Variants in SLMAP observed in about 807,000 individuals in gnomAD.
SLMAP encodes the protein sarcolemma associated protein, also known as sarcolemmal membrane-associated protein.
A neutral mutation model predicts 128.8 loss-of-function variants in SLMAP; 44 were observed. That is an observed-to-expected ratio of 0.34 (90% CI 0.27 to 0.44). SLMAP has a LOEUF of 0.44. Among genes scored for constraint, SLMAP ranks in the 20% least tolerant of loss-of-function variants. The pLI is 1.00. For missense variants in SLMAP, 787 were observed against 985.3 expected (o/e 0.80, Z 2.69); for synonymous variants, 327 against 348.8 (o/e 0.94, Z 0.70).
intron 2 of SLMAP, among the ~76,000 whole-genome samples, chr3:57,816,127 GTGTT>G (rs554703436): frequency 0.026 from 3,943 of 151,460 alleles, 121 homozygotes; most frequent in African/African-American, 0.077. Context: ...TAAACCGTTT[GTGTT>G]TGTTTGTTTG....
At chr3:57,849,716 G>A (rs752007644) in intron 5 of SLMAP, 38 bp from the exon 6 acceptor site, 1 of 1,093,714 alleles carries the variant, frequency 9.1e-7, no homozygotes, top group Non-Finnish European at 1.4e-6. Context: ...TGTTCTTTAT[G>A]AAGTGTTTTC....
intron 2 of SLMAP, among the ~76,000 whole-genome samples, chr3:57,799,103 G>C (rs2087523114): frequency 6.6e-6 from 1 of 152,184 alleles, no homozygotes; most frequent in African/African-American, 2.4e-5. Flanking sequence ...TGTTAAGAGT[G>C]TAAGTTAGAG....
At chr3:57,802,780 C>T (rs2088860628) in intron 2 of SLMAP, among the ~76,000 whole-genome samples, 1 of 151,336 alleles carries the variant, frequency 6.6e-6, no homozygotes, top group Non-Finnish European at 1.5e-5. Context: ...AGATTGCTTC[C>T]AGTTTTGGAT....
At chr3:57,791,815 A>G (rs1371202675) in intron 2 of SLMAP, among the ~76,000 whole-genome samples, 1 of 152,160 alleles carries the variant, frequency 6.6e-6, no homozygotes, top group African/African-American at 2.4e-5. Flanking sequence ...AAACTGATTC[A>G]TTAATTTTAA....
At chr3:57,840,563 A>G (rs1436881222) in intron 3 of SLMAP, among the ~76,000 whole-genome samples, 4 of 152,244 alleles carry the variant, frequency 2.6e-5, no homozygotes, top group Non-Finnish European at 5.9e-5. Flanking sequence ...GAAACTCTGT[A>G]CAAGTGCTAC....
At chr3:57,905,583 G>C (rs1282061266) in intron 17 of SLMAP, among the ~76,000 whole-genome samples, 1 of 152,106 alleles carries the variant, frequency 6.6e-6, no homozygotes, top group Non-Finnish European at 1.5e-5. Context: ...GCCCGGCCCA[G>C]GGGATTAATT....
At chr3:57,813,451 AATTTATAGT>A (rs2091354493) in intron 2 of SLMAP, among the ~76,000 whole-genome samples, 1 of 152,120 alleles carries the variant, frequency 6.6e-6, no homozygotes, top group Non-Finnish European at 1.5e-5. Context: ...AAGTTGTATC[AATTTATAGT>A]CTCATGTCCA....
At chr3:57,843,775 C>CTTTTTTTTTTTTTTTTTTTTTT (rs775541858) in intron 4 of SLMAP, among the ~76,000 whole-genome samples, 20 of 77,124 alleles carry the variant, frequency 2.6e-4, no homozygotes, top group East Asian at 1.4e-3. Flanking sequence ...TCTTTTCTTT[C>CTTTTTTTTTTTTTTTTTTTTTT]TTTTTTTTTT....
At chr3:57,759,705 C>T (rs1417266902) in intron 2 of SLMAP, among the ~76,000 whole-genome samples, 1 of 152,150 alleles carries the variant, frequency 6.6e-6, no homozygotes, top group East Asian at 1.9e-4. Context: ...TGTTCTTGGG[C>T]AACAGGTCTA....
intron 2 of SLMAP, among the ~76,000 whole-genome samples, chr3:57,773,220 C>T (rs1017911939): frequency 2.6e-5 from 4 of 152,138 alleles, no homozygotes; most frequent in Non-Finnish European, 5.9e-5. Flanking sequence ...TGGATTACCA[C>T]CAGATGGTTT....
At chr3:57,831,335 T>C (rs774830887) in intron 2 of SLMAP, 48 bp from the exon 3 acceptor site, 1 of 1,284,650 alleles carries the variant, frequency 7.8e-7, no homozygotes, top group Non-Finnish European at 1.0e-6. Context: ...CATTTGGAAT[T>C]ATTACTATTA....
chr3:57,881,658 G>T (rs1432379525), intron 14 of SLMAP, among the ~76,000 whole-genome samples: 2 of 152,002 alleles, frequency 1.3e-5, no homozygotes. Flanking sequence ...GGGTTTCACA[G>T]TGTTGGCCAG....
At position 57,908,123 on chromosome 3, in the gene SLMAP, G is replaced by A; in HGVS notation, c.1624+117G>A. 7 of 914,010 alleles carry A rather than the reference G, an allele frequency of 7.7e-6. No individual in the cohort carries two copies. The South Asian group carries it at 8.8e-5, about 11-fold the overall frequency. The allele number at this position is 914,010 out of a possible 1,614,324, so 56.6% of individuals were successfully genotyped here. A position where few individuals can be genotyped will look rare whatever the true frequency, so the allele number is the denominator to read the frequency against. On this transcript the variant is annotated intron_variant, in intron 18 of 24. Transcript: ENST00000671191. The stretch of plus-strand genomic sequence containing the variant: ...CCAGATTCACAACTTTATGAGATAT[G>A]TGATCTTGGTATATTTACTTGACCT...
chr3:57,896,479 A>G (rs1039727637), intron 15 of SLMAP, 32 bp from the exon 16 acceptor site: 3 of 1,560,790 alleles, frequency 1.9e-6, no homozygotes, highest in Admixed American at 1.9e-5. Context: ...TTTAACTGTA[A>G]TAAGATTTTA....
At position 57,848,404 on chromosome 3, in the gene SLMAP, TTTCTTCC is replaced by T. The variant is rs1277382549; in HGVS notation, c.456+1177_456+1183del. Among the ~76,000 whole-genome samples, 145 of 151,686 alleles carry T rather than the reference TTTCTTCC, an allele frequency of 9.6e-4. 2 individuals are homozygous for T. Among genetic ancestry groups the T allele is most frequent in the Admixed American group, 9.5e-3 (145 of 15,198 alleles). On this transcript the variant is annotated intron_variant, in intron 5 of 24. Coordinates refer to ENST00000671191, the MANE Select transcript of SLMAP (RefSeq NM_001377540.1). Reference sequence around the variant, plus strand: ...TCTTTCTTTTTCCTTCTTATTCTTCTTTCTTCCTTCTTTCTTCTTCCTTCTTTTTTCT... The same window carrying T: ...TCTTTCTTTTTCCTTCTTATTCTTCTTTCTTTCTTCTTCCTTCTTTTTTCT...
rs999042505 is a variant in SLMAP at position 57,906,310 on chromosome 3, C to CTTTTTTTTTTTTTTTT, written c.1502-1567_1502-1552dup. ...GAATCAAATTTTTTTCTTTTTTTTT[C>CTTTTTTTTTTTTTTTT]TTTTTTTTTTTTTTTTTTTTTTAGA... On this transcript the variant is annotated intron_variant, in intron 17 of 24. Coordinates refer to ENST00000671191, the MANE Select transcript of SLMAP (RefSeq NM_001377540.1). Among the ~76,000 whole-genome samples the CTTTTTTTTTTTTTTTT allele has an allele frequency of 1.1e-3, 53 of 47,024 alleles. 7 individuals carry two copies. The highest frequency in any genetic ancestry group is 4.9e-3 in the East Asian group (5 of 1,020). The allele number at this position is 47,024 out of a possible 152,430, so 30.8% of individuals were successfully genotyped here.
chr3:57,815,170 A>G (rs1226556753), intron 2 of SLMAP, among the ~76,000 whole-genome samples: 1 of 152,182 alleles, frequency 6.6e-6, no homozygotes, highest in Non-Finnish European at 1.5e-5. Context: ...CCTCACATGC[A>G]TCGTTCACAA....
At chr3:57,818,246 C>G (rs1382306516) in intron 2 of SLMAP, among the ~76,000 whole-genome samples, 1 of 152,138 alleles carries the variant, frequency 6.6e-6, no homozygotes, top group Non-Finnish European at 1.5e-5. Context: ...ACCTCCGCCT[C>G]CCGGGTTCAA....
intron 2 of SLMAP, among the ~76,000 whole-genome samples, chr3:57,819,478 G>GT (rs1263814328): frequency 3.3e-5 from 5 of 151,938 alleles, no homozygotes; most frequent in Non-Finnish European, 7.4e-5. Context: ...GTGTGGGCAG[G>GT]TTTTTCCCCC....
Sources: allele counts gnomAD v4.1 joint callset (sites outside exome capture counted in the v4.1 genomes callset), GRCh38; gene constraint gnomAD v4.1.1; transcripts MANE v1.5; gene names NCBI Gene and HGNC (gene_info 2026-07-23, HGNC 2026-07-21).